The following TRPS1 variants were observed in gnomAD, a reference collection of about 807,000 sequenced individuals.
TRPS1 encodes zinc finger transcription factor Trps1.
A neutral mutation model predicts 101.2 loss-of-function variants in TRPS1; 6 were observed. The observed-to-expected ratio is 0.06, with a 90% CI of 0.03 to 0.12. The LOEUF (loss-of-function observed/expected upper bound fraction) is 0.12, where lower values mean the gene tolerates loss of function less well. Among genes scored for constraint, TRPS1 ranks in the 10% least tolerant of loss-of-function variants. TRPS1 has a pLI of 1.00. For missense variants in TRPS1, 1,363 were observed against 1,567.0 expected (o/e 0.87, Z 2.20); for synonymous variants, 578 against 589.8 (o/e 0.98, Z 0.29).
chr8:115,421,857 CT>C (rs1427621084), intron 5 of TRPS1, among the ~76,000 whole-genome samples: 1 of 152,156 alleles, frequency 6.6e-6, no homozygotes, highest in East Asian at 1.9e-4. Flanking sequence ...AAGGGATTTC[CT>C]TTGAAGTTAT....
intron 5 of TRPS1, among the ~76,000 whole-genome samples, chr8:115,562,925 T>G (rs71287287): frequency 7.1e-6 from 1 of 141,834 alleles, no homozygotes; most frequent in Non-Finnish European, 1.5e-5. Context: ...TGTGTGTGTG[T>G]GGTGTTCCTC....
intron 4 of TRPS1, among the ~76,000 whole-genome samples, chr8:115,593,553 C>A (rs899056807): frequency 6.6e-6 from 1 of 152,142 alleles, no homozygotes; most frequent in Non-Finnish European, 1.5e-5. Flanking sequence ...TAATAACTGA[C>A]AAGATCTTCA....
intron 1 of TRPS1, among the ~76,000 whole-genome samples, chr8:115,666,867 TTTC>T (rs1811933096): frequency 2.3e-5 from 1 of 44,212 alleles, no homozygotes; most frequent in Admixed American, 2.8e-4. Flanking sequence ...TCCCAGACCC[TTTC>T]CTTTCCTGTT....
chr8:115,555,538 C>G (rs1450395975), intron 5 of TRPS1, among the ~76,000 whole-genome samples: 2 of 151,456 alleles, frequency 1.3e-5, no homozygotes, highest in African/African-American at 4.9e-5. Flanking sequence ...TTCCAGCTGA[C>G]CCATTCCCTT....
intron 5 of TRPS1, among the ~76,000 whole-genome samples, chr8:115,462,866 G>A (rs1161090357): frequency 6.6e-6 from 1 of 151,916 alleles, no homozygotes; most frequent in African/African-American, 2.4e-5. Context: ...GTGGACAATG[G>A]GGATATAGCA....
chr8:115,466,157 A>C (rs1196679725), intron 5 of TRPS1, among the ~76,000 whole-genome samples: 1 of 152,154 alleles, frequency 6.6e-6, no homozygotes, highest in Non-Finnish European at 1.5e-5. Context: ...AGAGAAGGAA[A>C]GTGGTGGCTA....
intron 5 of TRPS1, among the ~76,000 whole-genome samples, chr8:115,504,546 C>T (rs2130160805): frequency 6.6e-6 from 1 of 152,292 alleles, no homozygotes; most frequent in Admixed American, 6.5e-5. Context: ...AGAATTGGCC[C>T]TTGCCCTACC....
chr8:115,440,321 C>T (rs1202569517), intron 5 of TRPS1, among the ~76,000 whole-genome samples: 1 of 152,150 alleles, frequency 6.6e-6, no homozygotes, highest in African/African-American at 2.4e-5. Context: ...GAGGCTCACG[C>T]CAATAGGAAG....
At chr8:115,628,296 C>G (rs113396610) in intron 1 of TRPS1, among the ~76,000 whole-genome samples, 41 of 151,898 alleles carry the variant, frequency 2.7e-4, no homozygotes, top group African/African-American at 9.6e-4. Context: ...TTACAATGAA[C>G]CAGCTAATCC....
chr8:115,563,201 A>G (rs1816988893), intron 5 of TRPS1, among the ~76,000 whole-genome samples: 1 of 152,086 alleles, frequency 6.6e-6, no homozygotes, highest in Non-Finnish European at 1.5e-5. Flanking sequence ...CTTTTAAGGT[A>G]GACAGTAAGG....
chr8:115,525,114 A>C (rs1815964230), intron 5 of TRPS1, among the ~76,000 whole-genome samples: 1 of 152,176 alleles, frequency 6.6e-6, no homozygotes, highest in African/African-American at 2.4e-5. Flanking sequence ...GAACAAAAAA[A>C]ACTTTCAATT....
At chr8:115,533,461 C>CTTTTTTTTTTTTTTTTGTTGTTTTTT (rs1381965854) in intron 5 of TRPS1, among the ~76,000 whole-genome samples, 1 of 14,254 alleles carries the variant, frequency 7.0e-5, no homozygotes, top group Admixed American at 9.7e-4. Context: ...TTTTTTTTTC[C>CTTTTTTTTTTTTTTTTGTTGTTTTTT]TGAAAAAAAT....
chr8:115,642,617 A>G (rs933752012), intron 1 of TRPS1, among the ~76,000 whole-genome samples: 2 of 152,038 alleles, frequency 1.3e-5, no homozygotes, highest in African/African-American at 4.8e-5. Flanking sequence ...CAAAAATTTA[A>G]AATTGGTACT....
At chr8:115,430,252 G>A (rs1328434732) in intron 5 of TRPS1, among the ~76,000 whole-genome samples, 1 of 152,076 alleles carries the variant, frequency 6.6e-6, no homozygotes, top group African/African-American at 2.4e-5. Flanking sequence ...CTCTGTATAG[G>A]TATAGGAGAC....
intron 5 of TRPS1, among the ~76,000 whole-genome samples, chr8:115,495,799 G>T (rs1016571658): frequency 6.6e-6 from 1 of 152,128 alleles, no homozygotes; most frequent in Non-Finnish European, 1.5e-5. Context: ...ACAAGTGATA[G>T]ATTTTAATGA....
intron 5 of TRPS1, among the ~76,000 whole-genome samples, chr8:115,524,247 C>A (rs1024481453): frequency 6.6e-6 from 1 of 151,476 alleles, no homozygotes; most frequent in Non-Finnish European, 1.5e-5. Flanking sequence ...TGCTGATAGA[C>A]CACTGTATTG....
chr8:115,661,829 G>T (rs750648472), intron 1 of TRPS1, among the ~76,000 whole-genome samples: 3 of 149,844 alleles, frequency 2.0e-5, no homozygotes, highest in Non-Finnish European at 4.4e-5. Context: ...AACAATCTGC[G>T]ATATTAAGGG....
chr8:115,518,877 C>T (rs1815788207), intron 5 of TRPS1, among the ~76,000 whole-genome samples: 2 of 151,828 alleles, frequency 1.3e-5, no homozygotes, highest in South Asian at 4.1e-4. Flanking sequence ...TGCTCATATA[C>T]AGTCATGTGT....
chr8:115,659,576 A>G (rs1266400447), intron 1 of TRPS1, among the ~76,000 whole-genome samples: 1 of 151,980 alleles, frequency 6.6e-6, no homozygotes, highest in Non-Finnish European at 1.5e-5. Flanking sequence ...TAATATATAT[A>G]TGACCTGTCT....
Sources: allele counts gnomAD v4.1 joint callset (sites outside exome capture counted in the v4.1 genomes callset), GRCh38; gene constraint gnomAD v4.1.1; transcripts MANE v1.5; gene names NCBI Gene and HGNC (gene_info 2026-07-23, HGNC 2026-07-21).